Variants in SLC34A1 observed in about 807,000 individuals in gnomAD.
SLC34A1 encodes solute carrier family 34 member 1, also known as sodium-dependent phosphate transport protein 2A.
In SLC34A1, 57 loss-of-function variants were observed where a neutral mutation model predicts 51.4. The observed-to-expected ratio is 1.11, with a 90% confidence interval of 0.90 to 1.38. SLC34A1 has a LOEUF of 1.38. Among genes scored for constraint, SLC34A1 ranks in the 40% most tolerant of loss-of-function variants. The pLI, the probability that SLC34A1 is intolerant of heterozygous loss-of-function variation, is 0.00. For synonymous variants in SLC34A1, 368 were observed against 358.0 expected (o/e 1.03, Z -0.32); for missense variants, 796 against 835.6 (o/e 0.95, Z 0.58).
chr5:177,386,636 G>A lies in SLC34A1; in HGVS notation c.532+70G>A. On this transcript the variant is annotated intron_variant, in intron 5 of 12. Transcript: ENST00000324417. The surrounding 1 kb of genome is among the most constrained non-coding windows in gnomAD (Gnocchi z 4.8). The stretch of plus-strand genomic sequence containing the variant: ...CAGGAGCTGGGAAGGGTGGCAAATG[G>A]GGAGCGTGACCCCAGTAAGGCTGGC... The A allele has an allele frequency of 2.5e-6, 4 of 1,585,114 alleles. No homozygotes were observed. Among genetic ancestry groups the A allele is most frequent in the Non-Finnish European group, 3.4e-6 (4 of 1,160,422 alleles).
rs1561629368 is a variant in SLC34A1 at position 177,388,329 on chromosome 5, A to G, written c.893A>G (p.Asn298Ser). ...GCCACTGGTGATGAGTCCCTGAGGA[A>G]CCACAGTCTCATCCAGATCTGGTGC... Reference protein sequence around the residue: ...SIATGDESLRNHSLIQIWCHP... With the variant: ...SIATGDESLRSHSLIQIWCHP... The change falls in exon 8 of 13, where the codon AAC becomes AGC. Residue 298 changes from asparagine to serine, a missense_variant. Coordinates refer to ENST00000324417, the MANE Select transcript of SLC34A1 (RefSeq NM_003052.5). This position sits in a 1 kb window ranked among gnomAD's most constrained non-coding sequence, Gnocchi z 4.3. 6.2e-7 allele frequency: 1 copy of G among 1,614,162 alleles called. No individual in the cohort carries two copies. Among genetic ancestry groups the G allele is most frequent in the Admixed American group, 1.7e-5 (1 of 60,024 alleles).
At position 177,396,877 on chromosome 5, in the gene SLC34A1, G is replaced by A; in HGVS notation, c.1291+28G>A. The A allele has an allele frequency of 6.2e-7, 1 of 1,614,154 alleles. No individual in the cohort carries two copies. The highest frequency in any genetic ancestry group is 8.5e-7 in the Non-Finnish European group (1 of 1,180,006). On this transcript the variant is annotated intron_variant, in intron 11 of 12. Transcript: ENST00000324417. This position sits in a 1 kb window ranked among gnomAD's most constrained non-coding sequence, Gnocchi z 4.0. ...GAGTGCCCATGTAGAGGTGGAGTGG[G>A]GTGGGCCAGGGCTGGCAGGGAAAGG...
intron 8 of SLC34A1, among the ~76,000 whole-genome samples, chr5:177,392,326 G>T (rs1344705381): frequency 2.6e-5 from 4 of 152,190 alleles, no homozygotes; most frequent in African/African-American, 9.7e-5. Flanking sequence ...AGCTGGGCGT[G>T]GTGGCAGGGG....
intron 5 of SLC34A1, among the ~76,000 whole-genome samples, chr5:177,387,098 CA>C (rs746400373): frequency 3.3e-5 from 5 of 151,946 alleles, no homozygotes; most frequent in Non-Finnish European, 5.9e-5. Flanking sequence ...TGGCCGGGCG[CA>C]GTGGCTCATG....
intron 8 of SLC34A1, among the ~76,000 whole-genome samples, chr5:177,390,982 G>A (rs1460426687): frequency 6.6e-6 from 1 of 152,162 alleles, no homozygotes; most frequent in African/African-American, 2.4e-5. Flanking sequence ...TGTTTGCTCT[G>A]GTGACACACA....
intron 10 of SLC34A1, among the ~76,000 whole-genome samples, chr5:177,394,403 G>C (rs1340306674): frequency 6.6e-6 from 1 of 152,222 alleles, no homozygotes; most frequent in East Asian, 1.9e-4. Context: ...ATTTTAGCAG[G>C]TGGAGATGCT....
Position 177,388,374 on chromosome 5 carries a change from T to A in SLC34A1, c.936+2T>A. On this transcript the variant is annotated splice_donor_variant, in intron 8 of 12. Coordinates refer to ENST00000324417, the MANE Select transcript of SLC34A1 (RefSeq NM_003052.5). LOFTEE classifies it high-confidence loss of function. The surrounding 1 kb of genome is among the most constrained non-coding windows in gnomAD (Gnocchi z 4.3). Reference sequence around the variant, plus strand: ...TGGTGCCACCCAGACTCCTTACAGGTGAGTCCCAGGCCTAACCCCAGGTAA... The same window carrying A: ...TGGTGCCACCCAGACTCCTTACAGGAGAGTCCCAGGCCTAACCCCAGGTAA... 6.2e-7 allele frequency: 1 copy of A among 1,613,178 alleles called. No homozygotes were observed. Among genetic ancestry groups the A allele is most frequent in the Non-Finnish European group, 8.5e-7 (1 of 1,179,182 alleles).
chr5:177,387,350 A>G (rs77166692), intron 5 of SLC34A1, among the ~76,000 whole-genome samples: 49 of 152,126 alleles, frequency 3.2e-4, no homozygotes, highest in Non-Finnish European at 5.7e-4. Flanking sequence ...AGCCGAGATC[A>G]TGCCACTGCA....
rs573350014 is a variant in SLC34A1, at chr5:177,393,563, C to A, written c.937-131C>A. On this transcript the variant is annotated intron_variant, in intron 8 of 12. Transcript: ENST00000324417. ...GTGGAAGAGACAGGCTCAGAGAGGG[C>A]AAGAGACCCATCCATGGTCACAGAG... 48 of 832,824 alleles carry A rather than the reference C, an allele frequency of 5.8e-5. 1 individual carries two copies. In the African/African-American group the frequency reaches 7.1e-4, roughly 12 times the overall value. 51.6% of individuals were successfully genotyped at this position (832,824 alleles called of 1,614,324 possible).
rs111312929 is a variant in SLC34A1 at position 177,398,042 on chromosome 5, A to G, written c.1676A>G (p.Asn559Ser). The G allele has an allele frequency of 1.2e-5, 19 of 1,614,070 alleles. No homozygotes were observed. Among genetic ancestry groups the G allele is most frequent in the African/African-American group, 1.1e-4 (8 of 75,028 alleles). The part of the protein sequence containing the change: ...GALLAFVVLI[N>S]VLQSRSPGHL... ...CTGCTGGCCTTCGTGGTGCTCATCA[A>G]TGTCCTGCAGAGTCGGAGTCCCGGG... The change falls in exon 13 of 13, where the codon AAT (asparagine) becomes AGT (serine). Residue 559 changes from asparagine to serine, a missense_variant. Coordinates refer to ENST00000324417, the MANE Select transcript of SLC34A1 (RefSeq NM_003052.5). The surrounding 1 kb of genome is among the most constrained non-coding windows in gnomAD (Gnocchi z 4.7).
rs371944896 is a variant in SLC34A1, at chr5:177,388,225, G to A, written c.840+36G>A. The A allele has an allele frequency of 6.1e-5, 99 of 1,613,736 alleles. No homozygotes were observed. In the African/African-American group the frequency reaches 1.2e-3, roughly 20 times the overall value. Reference sequence around the variant, plus strand: ...GGCCTGGCATGGGGTGAGGGTGGGGGTAACAAGGGACCCAGCCTCCTTCAC... The same window carrying A: ...GGCCTGGCATGGGGTGAGGGTGGGGATAACAAGGGACCCAGCCTCCTTCAC... On this transcript the variant is annotated intron_variant, in intron 7 of 12. Coordinates refer to ENST00000324417, the MANE Select transcript of SLC34A1 (RefSeq NM_003052.5). The surrounding 1 kb of genome is among the most constrained non-coding windows in gnomAD (Gnocchi z 4.3).
chr5:177,385,737 C>T lies in SLC34A1; in HGVS notation c.-5C>T, dbSNP rs1051131529. 6.2e-7 allele frequency: 1 copy of T among 1,609,750 alleles called. No individual in the cohort carries two copies. The highest frequency in any genetic ancestry group is 1.3e-5 in the African/African-American group (1 of 74,860). ...GACCTGCAGACCTCATAGTGGGTGC[C>T]CAGGATGTTGTCCTACGGAGAGAGG... On this transcript the variant is annotated 5_prime_UTR_variant, in exon 2 of 13. Coordinates refer to ENST00000324417, the MANE Select transcript of SLC34A1 (RefSeq NM_003052.5).
chr5:177,387,137 G>T (rs537885358), intron 5 of SLC34A1, among the ~76,000 whole-genome samples: 1 of 152,042 alleles, frequency 6.6e-6, no homozygotes, highest in East Asian at 1.9e-4. Context: ...TTGGGAGGCT[G>T]AGGGGGGCAG....
At chr5:177,393,568 G>C in intron 8 of SLC34A1, 126 bp from the exon 9 acceptor site, 1 of 865,418 alleles carries the variant, frequency 1.2e-6, no homozygotes, top group Non-Finnish European at 1.9e-6. Flanking sequence ...GAGGGCAAGA[G>C]ACCCATCCAT....
In SLC34A1 at chr5:177,386,200, C is replaced by G; in HGVS notation, c.260-21C>G. 2.5e-6 allele frequency: 4 copies of G among 1,614,168 alleles called. No individual in the cohort carries two copies. The highest frequency in any genetic ancestry group is 3.4e-6 in the Non-Finnish European group (4 of 1,180,042). ...CCTGCCCTGGCCTCTGCCCACTATG[C>G]TCATGGCTTCCCCCATCCAGAGTCC... is the stretch of plus-strand genomic sequence containing the variant. On this transcript the variant is annotated intron_variant, in intron 3 of 12. Coordinates refer to ENST00000324417, the MANE Select transcript of SLC34A1 (RefSeq NM_003052.5). This position sits in a 1 kb window ranked among gnomAD's most constrained non-coding sequence, Gnocchi z 4.8.
rs1762991212 is a variant in SLC34A1, at chr5:177,397,002, C to T, written c.1344C>T (p.Asn448=). 3 of 1,614,184 alleles carry T rather than the reference C, an allele frequency of 1.9e-6. No individual in the cohort carries two copies. The highest frequency in any genetic ancestry group is 2.5e-6 in the Non-Finnish European group (3 of 1,180,026). The change falls in exon 12 of 13, where the codon AAC becomes AAT. Residue 448 remains asparagine, a synonymous_variant. Coordinates refer to ENST00000324417, the MANE Select transcript of SLC34A1 (RefSeq NM_003052.5). ...ERAYPLTLGS[N]IGTTTTAILA... ...CCTACCCGCTCACACTGGGTTCCAA[C>T]ATCGGCACCACCACCACGGCCATCC...
In SLC34A1 at chr5:177,386,482, C is replaced by A; in HGVS notation, c.448C>A (p.Leu150Met). 1 of 1,614,162 alleles carries A rather than the reference C, an allele frequency of 6.2e-7. No homozygotes were observed. The highest frequency in any genetic ancestry group is 8.5e-7 in the Non-Finnish European group (1 of 1,179,992). Residue 150 changes from leucine (L) to methionine (M), a missense_variant, in exon 5 of 13, where the codon CTG (leucine) becomes ATG (methionine). Transcript: ENST00000324417. This position sits in a 1 kb window ranked among gnomAD's most constrained non-coding sequence, Gnocchi z 4.8. ...CATCCTGTCCAACCCGGTGGCCGGG[C>A]TGGTGGTGGGGATCCTGGTGACCGT... The part of the protein sequence containing the change: ...NAILSNPVAG[L>M]VVGILVTVLV...
In SLC34A1 at chr5:177,388,017, A is replaced by C; in HGVS notation, c.668A>C (p.His223Pro). ...FRRAFAGATV[H>P]DCFNWLSVLV... The stretch of plus-strand genomic sequence containing the variant: ...AGGGCCTTCGCGGGGGCCACGGTGC[A>C]TGACTGCTTTAACTGGCTGTCAGTG... The change falls in exon 7 of 13, where the codon CAT becomes CCT. Residue 223 changes from histidine (H) to proline (P), a missense_variant. Coordinates refer to ENST00000324417, the MANE Select transcript of SLC34A1 (RefSeq NM_003052.5). This position sits in a 1 kb window ranked among gnomAD's most constrained non-coding sequence, Gnocchi z 4.3. 1 of 1,613,816 alleles carries C rather than the reference A, an allele frequency of 6.2e-7. No individual in the cohort carries two copies. The highest frequency in any genetic ancestry group is 8.5e-7 in the Non-Finnish European group (1 of 1,179,878).
At chr5:177,389,622 G>T in intron 8 of SLC34A1, 2 of 1,537,168 alleles carry the variant, frequency 1.3e-6, no homozygotes, top group Non-Finnish European at 1.7e-6. Context: ...CTCACCACAA[G>T]CCTCTCTACT....
Sources: gnomAD v4.1 joint callset for allele counts (sites outside exome capture counted in the v4.1 genomes callset) on GRCh38, gnomAD v4.1.1 for gene constraint, Gnocchi (gnomAD v3.1) non-coding constraint, MANE v1.5 for transcripts, NCBI Gene and HGNC (gene_info 2026-07-23, HGNC 2026-07-21) for gene names.